SNRPA1: variants seen among roughly 807,000 people sequenced by gnomAD.
SNRPA1 encodes small nuclear ribonucleoprotein polypeptide A'.
Under a neutral mutation model 32.3 loss-of-function variants are expected in SNRPA1, and 5 were observed. The observed-to-expected ratio is 0.15, with a 90% CI of 0.08 to 0.33. SNRPA1 has a LOEUF of 0.33. Among genes scored for constraint, SNRPA1 ranks in the 10% least tolerant of loss-of-function variants. The pLI, the probability that SNRPA1 is intolerant of heterozygous loss-of-function variation, is 1.00. For missense variants in SNRPA1, 198 were observed against 311.1 expected (o/e 0.64, Z 2.74); for synonymous variants, 111 against 120.1 (o/e 0.92, Z 0.50).
In SNRPA1 at chr15:101,286,204, C is replaced by G. The variant is rs376062699; in HGVS notation, c.539+10G>C. Reference sequence around the variant, plus strand: ...GTGAAGTAGAGTTAAGTTGGATATCCGTGTCTTACGTTTTGCTTCTCCTGG... The same window carrying G: ...GTGAAGTAGAGTTAAGTTGGATATCGGTGTCTTACGTTTTGCTTCTCCTGG... On this transcript the variant is annotated intron_variant, in intron 6 of 8. Coordinates refer to ENST00000254193, the MANE Select transcript of SNRPA1 (RefSeq NM_003090.4). The G allele has an allele frequency of 6.2e-7, 1 of 1,610,364 alleles. No individual in the cohort carries two copies. Among genetic ancestry groups the G allele is most frequent in the Admixed American group, 1.7e-5 (1 of 59,952 alleles).
chr15:101,293,275 T>C, intron 1 of SNRPA1, 103 bp from the exon 2 acceptor site: 1 of 799,884 alleles, frequency 1.3e-6, no homozygotes, highest in South Asian at 2.2e-5. Flanking sequence ...AGGCTTTGAT[T>C]TATTCAGGAA....
intron 6 of SNRPA1, 29 bp downstream of exon 6, chr15:101,286,185 T>A: frequency 6.3e-7 from 1 of 1,576,610 alleles, no homozygotes; most frequent in Non-Finnish European, 8.7e-7. Context: ...GAAGGTGAAG[T>A]AGAGTTAAGT....
intron 4 of SNRPA1, 135 bp downstream of exon 4, chr15:101,287,521 T>A: frequency 2.9e-6 from 2 of 701,412 alleles, no homozygotes; most frequent in Admixed American, 4.5e-5. Context: ...AACTCATCCT[T>A]TTTTATGGCT....
chr15:101,292,021 C>T lies in SNRPA1; in HGVS notation c.250G>A (p.Asp84Asn). The change falls in exon 3 of 9, where the codon GAT (aspartate) becomes AAT (asparagine). Residue 84 changes from aspartate to asparagine, a missense_variant. Physicochemically the swap from Asp to Asn is conservative, Grantham distance 23. Coordinates refer to ENST00000254193, the MANE Select transcript of SNRPA1 (RefSeq NM_003090.4). ...NRICRIGEGL[D>N]QALPCLTELI... ...TCTGTCAGACAGGGCAGAGCCTGAT[C>T]AAGTCCCTCACCTATACGGCTAAAA... is the stretch of plus-strand genomic sequence containing the variant. 1 of 1,611,804 alleles carries T rather than the reference C, an allele frequency of 6.2e-7. No homozygotes were observed.
At position 101,285,325 on chromosome 15, in the gene SNRPA1, A is replaced by C. The variant is rs1246698077; in HGVS notation, c.616-265T>G. Among the ~76,000 whole-genome samples the C allele has an allele frequency of 2.6e-5, 4 of 152,254 alleles. No individual in the cohort carries two copies. The East Asian group carries it at 7.7e-4, about 29-fold the overall frequency. ...TTCTAAAATCGTAGCTAAGTGAAGTAACTATTTGCAATTATGTTACTGAAT... is the reference window on the plus strand; with the variant it reads ...TTCTAAAATCGTAGCTAAGTGAAGTCACTATTTGCAATTATGTTACTGAAT... On this transcript the variant is annotated intron_variant, in intron 7 of 8. Transcript: ENST00000254193.
At chr15:101,287,592 A>G in intron 4 of SNRPA1, 64 bp downstream of exon 4, 1 of 1,362,922 alleles carries the variant, frequency 7.3e-7, no homozygotes, top group Middle Eastern at 1.8e-4. Flanking sequence ...CATTAAGGTC[A>G]AGGCTGGTAA....
At chr15:101,287,980 T>A (rs1434131870) in intron 3 of SNRPA1, 1 of 391,700 alleles carries the variant, frequency 2.6e-6, no homozygotes, top group Non-Finnish European at 4.8e-6. Flanking sequence ...TGCTGAGCCA[T>A]GATTTGGAAA....
At chr15:101,290,726 C>T (rs938066401) in intron 3 of SNRPA1, among the ~76,000 whole-genome samples, 3 of 150,618 alleles carry the variant, frequency 2.0e-5, no homozygotes, top group African/African-American at 4.9e-5. Flanking sequence ...CAGATGCACG[C>T]TACCACTTTT....
intron 3 of SNRPA1, among the ~76,000 whole-genome samples, chr15:101,291,150 G>C (rs1055904411): frequency 7.9e-5 from 12 of 152,202 alleles, no homozygotes; most frequent in Non-Finnish European, 1.8e-4. Context: ...CAAAGTGCTT[G>C]GATTACAGGC....
chr15:101,281,889 T>C, intron 8 of SNRPA1, 107 bp from the exon 9 acceptor site: 2 of 1,037,434 alleles, frequency 1.9e-6, no homozygotes, highest in East Asian at 2.4e-5. Context: ...CTGAAGTAGG[T>C]ACAAAAAGAT....
At chr15:101,287,346 C>A (rs192854862) in intron 4 of SNRPA1, among the ~76,000 whole-genome samples, 9 of 152,202 alleles carry the variant, frequency 5.9e-5, no homozygotes, top group Admixed American at 2.0e-4. Flanking sequence ...TTCCCCACCC[C>A]ACAACAGGCC....
At chr15:101,286,107 T>A in intron 6 of SNRPA1, 107 bp downstream of exon 6, 1 of 883,992 alleles carries the variant, frequency 1.1e-6, no homozygotes, top group Non-Finnish European at 1.8e-6. Flanking sequence ...TAATACCACA[T>A]TAATATGTCA....
intron 2 of SNRPA1, 116 bp from the exon 3 acceptor site, chr15:101,292,156 T>C (rs2039533088): frequency 1.4e-6 from 1 of 713,564 alleles, no homozygotes; most frequent in Non-Finnish European, 2.4e-6. Flanking sequence ...TCCAACACCC[T>C]GATAAAGAGG....
At chr15:101,292,137 G>C (rs915061882) in intron 2 of SNRPA1, 97 bp from the exon 3 acceptor site, 1 of 840,604 alleles carries the variant, frequency 1.2e-6, no homozygotes, top group African/African-American at 1.7e-5. Flanking sequence ...GACACTTAGA[G>C]ATCCTTCTTC....
At chr15:101,282,240 T>C (rs1262991781) in intron 8 of SNRPA1, among the ~76,000 whole-genome samples, 1 of 152,248 alleles carries the variant, frequency 6.6e-6, no homozygotes, top group African/African-American at 2.4e-5. Flanking sequence ...TGTTCAACAA[T>C]TTATGGCAGG....
intron 3 of SNRPA1, chr15:101,288,335 C>T (rs948058308): frequency 2.6e-5 from 4 of 151,656 alleles, no homozygotes; most frequent in Non-Finnish European, 5.9e-5. Context: ...CAAGCTCCGC[C>T]TCCCGAATTC....
At chr15:101,286,387 A>G (rs769086187) in intron 5 of SNRPA1, 94 bp from the exon 6 acceptor site, 1 of 1,100,350 alleles carries the variant, frequency 9.1e-7, no homozygotes, top group Non-Finnish European at 1.3e-6. Flanking sequence ...ACTCTCCTAC[A>G]GTACTCCGGG....
rs1223932794 is a variant in SNRPA1 at position 101,285,811 on chromosome 15, G to C, written c.540-10C>G. The stretch of plus-strand genomic sequence containing the variant: ...AGCACCTGGATTAAAACTTAAGAGG[G>C]GGAAGAACATAACTGTTAGACCTAG... On this transcript the variant is annotated splice_polypyrimidine_tract_variant and intron_variant, in intron 6 of 8. Coordinates refer to ENST00000254193, the MANE Select transcript of SNRPA1 (RefSeq NM_003090.4). The C allele has an allele frequency of 1.2e-6, 2 of 1,610,066 alleles. No homozygotes were observed. Among genetic ancestry groups the C allele is most frequent in the South Asian group, 2.2e-5 (2 of 90,962 alleles).
Position 101,281,629 on chromosome 15 carries a change from A to G in SNRPA1, c.*95T>C, listed in dbSNP as rs530761565. The G allele has an allele frequency of 3.1e-5, 27 of 861,934 alleles. 1 individual carries two copies. The highest frequency in any genetic ancestry group is 1.1e-4 in the Admixed American group (6 of 53,340). 53.4% of individuals were successfully genotyped at this position (861,934 alleles called of 1,614,324 possible). On this transcript the variant is annotated 3_prime_UTR_variant, in exon 9 of 9. Coordinates refer to ENST00000254193, the MANE Select transcript of SNRPA1 (RefSeq NM_003090.4). ...TTAAGCATTTCAACAATGCTGATAG[A>G]TTCCACTTTGCTAACACAAACAAGG...
Sources: gnomAD v4.1 joint callset for allele counts (sites outside exome capture counted in the v4.1 genomes callset) on GRCh38, gnomAD v4.1.1 for gene constraint, MANE v1.5 for transcripts, NCBI Gene and HGNC (gene_info 2026-07-23, HGNC 2026-07-21) for gene names.